PTPN14: variants seen among roughly 807,000 people sequenced by gnomAD.
PTPN14 encodes the protein tyrosine-protein phosphatase non-receptor type 14.
Under a neutral mutation model 126.8 loss-of-function variants are expected in PTPN14, and 53 were observed. The ratio of observed to expected loss-of-function variants is 0.42; its 90% CI spans 0.34 to 0.53. The LOEUF is 0.53. PTPN14 is among the 20% of genes least tolerant of loss of function. PTPN14 has a pLI of 0.08. For synonymous variants in PTPN14, 630 were observed against 599.3 expected (o/e 1.05, Z -0.75); for missense variants, 1,257 against 1,552.9 (o/e 0.81, Z 3.20).
intron 13 of PTPN14, among the ~76,000 whole-genome samples, chr1:214,382,012 C>G (rs1268289297): frequency 1.3e-5 from 2 of 151,990 alleles, no homozygotes; most frequent in Non-Finnish European, 2.9e-5. Flanking sequence ...TCAAGTGATT[C>G]TCCTGCCTCC....
At chr1:214,496,239 A>T (rs1450209856) in intron 1 of PTPN14, among the ~76,000 whole-genome samples, 1 of 152,152 alleles carries the variant, frequency 6.6e-6, no homozygotes, top group Non-Finnish European at 1.5e-5. Context: ...TGAGAGAGGT[A>T]CCCAAGAGGA....
intron 1 of PTPN14, among the ~76,000 whole-genome samples, chr1:214,480,303 G>A (rs1038985801): frequency 4.3e-4 from 65 of 152,292 alleles, no homozygotes; most frequent in African/African-American, 1.5e-3. Flanking sequence ...CTTATAAGAT[G>A]ACTGAAACAA....
chr1:214,459,576 T>C (rs1660462876), intron 2 of PTPN14, among the ~76,000 whole-genome samples: 1 of 151,636 alleles, frequency 6.6e-6, no homozygotes, highest in South Asian at 2.1e-4. Flanking sequence ...TTCAAGTGAT[T>C]CTCCTCCCTC....
intron 3 of PTPN14, 75 bp downstream of exon 3, chr1:214,451,730 A>T (rs1660276041): frequency 5.9e-6 from 9 of 1,519,944 alleles, no homozygotes; most frequent in Middle Eastern, 3.5e-4. Context: ...TAAATCTACC[A>T]GCTCATCTAC....
intron 1 of PTPN14, among the ~76,000 whole-genome samples, chr1:214,518,856 T>A (rs552109329): frequency 6.6e-6 from 1 of 152,306 alleles, no homozygotes; most frequent in South Asian, 2.1e-4. Flanking sequence ...GATAAATAAA[T>A]GTTAGTTTGA....
At chr1:214,509,151 T>A (rs1397569424) in intron 1 of PTPN14, among the ~76,000 whole-genome samples, 1 of 152,196 alleles carries the variant, frequency 6.6e-6, no homozygotes, top group Non-Finnish European at 1.5e-5. Flanking sequence ...TCCCTTGAAG[T>A]TTTGAAGCCA....
chr1:214,374,903 G>A lies in PTPN14; in HGVS notation c.2907+1316C>T, dbSNP rs542971785. 5.3e-5 allele frequency among the ~76,000 whole-genome samples: 8 copies of A among 152,312 alleles called. No individual in the cohort carries two copies. In the South Asian group the frequency reaches 1.7e-3, roughly 32 times the overall value. ...AATATTTCTATGTAAGATTTTCATA[G>A]ACACTCTATCAGGAAGCAGCTGTGT... is the stretch of plus-strand genomic sequence containing the variant. On this transcript the variant is annotated intron_variant, in intron 15 of 18. Coordinates refer to ENST00000366956, the MANE Select transcript of PTPN14 (RefSeq NM_005401.5).
intron 1 of PTPN14, among the ~76,000 whole-genome samples, chr1:214,472,241 C>T (rs1159137100): frequency 2.0e-5 from 3 of 152,080 alleles, no homozygotes; most frequent in African/African-American, 7.2e-5. Flanking sequence ...TGGTGCTATC[C>T]TCAGGATACT....
At chr1:214,542,603 G>A (rs1035054730) in intron 1 of PTPN14, among the ~76,000 whole-genome samples, 6 of 152,218 alleles carry the variant, frequency 3.9e-5, no homozygotes, top group African/African-American at 1.4e-4. Context: ...TGGCAAGAGG[G>A]CCTGACCCAG....
intron 16 of PTPN14, among the ~76,000 whole-genome samples, chr1:214,370,936 T>A (rs1192808638): frequency 1.3e-5 from 2 of 152,220 alleles, no homozygotes; most frequent in African/African-American, 4.8e-5. Flanking sequence ...TTGCGGAATA[T>A]GTAAATTACC....
intron 1 of PTPN14, among the ~76,000 whole-genome samples, chr1:214,478,585 G>A (rs1218271846): frequency 2.6e-5 from 4 of 152,062 alleles, no homozygotes; most frequent in African/African-American, 9.7e-5. Context: ...CCTAACATAT[G>A]TCCCTCCTAA....
intron 1 of PTPN14, among the ~76,000 whole-genome samples, chr1:214,549,496 C>G (rs1213254455): frequency 2.6e-5 from 4 of 152,170 alleles, no homozygotes; most frequent in African/African-American, 9.6e-5. Flanking sequence ...CCCATTCAGA[C>G]TGGGCAAAAA....
At chr1:214,550,247 A>G (rs1203200708) in intron 1 of PTPN14, among the ~76,000 whole-genome samples, 1 of 152,170 alleles carries the variant, frequency 6.6e-6, no homozygotes, top group African/African-American at 2.4e-5. Context: ...TGAATGAGTA[A>G]ACTAATCCAT....
In PTPN14 at chr1:214,532,880, T is replaced by C. The variant is rs192862861; in HGVS notation, c.-155+18303A>G. 1,070 of 1,029,900 alleles carry C rather than the reference T, an allele frequency of 1.0e-3. 2 individuals carry two copies. Among genetic ancestry groups the C allele is most frequent in the Middle Eastern group, 5.4e-3 (18 of 3,350 alleles). The allele number at this position is 1,029,900 out of a possible 1,614,324, so 63.8% of individuals were successfully genotyped here. ...CAGATTGCCAGCTCTGGGTTGACCATGGAGGTTGATGCCCCCAAATCTCAG... is the reference window on the plus strand; with the variant it reads ...CAGATTGCCAGCTCTGGGTTGACCACGGAGGTTGATGCCCCCAAATCTCAG... On this transcript the variant is annotated intron_variant, in intron 1 of 18. Transcript: ENST00000366956.
chr1:214,399,971 T>C (rs1358084320), intron 7 of PTPN14, among the ~76,000 whole-genome samples: 2 of 152,190 alleles, frequency 1.3e-5, no homozygotes, highest in Middle Eastern at 3.2e-3. Context: ...AAAAAATATA[T>C]CCTGAGGCTC....
chr1:214,448,710 C>T (rs140660508), intron 3 of PTPN14, among the ~76,000 whole-genome samples: 1 of 152,206 alleles, frequency 6.6e-6, no homozygotes, highest in African/African-American at 2.4e-5. Context: ...ATTCCAACAT[C>T]CTACCCAATA....
At chr1:214,495,913 C>G (rs537130858) in intron 1 of PTPN14, among the ~76,000 whole-genome samples, 1 of 152,144 alleles carries the variant, frequency 6.6e-6, no homozygotes, top group South Asian at 2.1e-4. Context: ...AGGCTGGTCT[C>G]GAACTCCCGA....
Position 214,391,025 on chromosome 1 carries a change from G to T in PTPN14, c.950C>A (p.Pro317His). ...ICTEQSNSPP[P>H]IRRQPTWSRS... ...GCTCCAGGTGGGCTGGCGTCTGATG[G>T]GGGGTGGAGAATTTGACTGTCTACA... Residue 317 changes from proline (P) to histidine (H), a missense_variant, in exon 11 of 19, where the codon CCC becomes CAC. Around this residue, in one of 3 missense-constraint regions of PTPN14, gnomAD observed 1,021 missense variants for 1,183.3 expected, o/e 0.86. Transcript: ENST00000366956. The T allele has an allele frequency of 2.5e-6, 4 of 1,587,116 alleles. No individual in the cohort carries two copies. The highest frequency in any genetic ancestry group is 2.6e-6 in the Non-Finnish European group (3 of 1,161,784).
intron 1 of PTPN14, among the ~76,000 whole-genome samples, chr1:214,503,010 A>C (rs1654745332): frequency 6.6e-6 from 1 of 152,228 alleles, no homozygotes; most frequent in Non-Finnish European, 1.5e-5. Context: ...AAGTTGACAA[A>C]GTATCTCTAA....
Sources: gnomAD v4.1 joint callset for allele counts (sites outside exome capture counted in the v4.1 genomes callset) on GRCh38, gnomAD v4.1.1 for gene constraint, gnomAD v4.1.1 regional missense constraint, MANE v1.5 for transcripts, NCBI Gene and HGNC (gene_info 2026-07-23, HGNC 2026-07-21) for gene names.